EMSY: variants seen among roughly 807,000 people sequenced by gnomAD.
EMSY encodes the protein EMSY transcriptional repressor, BRCA2 interacting.
A neutral mutation model predicts 134.6 loss-of-function variants in EMSY; 26 were observed. That is an observed-to-expected ratio of 0.19 (90% CI 0.14 to 0.27). The LOEUF is 0.27. EMSY is among the 10% of genes least tolerant of loss of function. The probability of loss-of-function intolerance (pLI) is 1.00; values close to 1 mark genes in which losing one functional copy is unlikely to be tolerated. For synonymous variants in EMSY, 579 were observed against 577.8 expected (o/e 1.00, Z -0.03); for missense variants, 1,305 against 1,611.4 (o/e 0.81, Z 3.26).
Position 76,472,557 on chromosome 11 carries a change from T to A in EMSY, c.832-7T>A. On this transcript the variant is annotated splice_region_variant and splice_polypyrimidine_tract_variant and intron_variant, in intron 7 of 20. Transcript: ENST00000334736. The stretch of plus-strand genomic sequence containing the variant: ...TACATAAAAATAACTTATTTTTTAT[T>A]CCTTAGGTTATTATAGTCACCACAT... 6.2e-7 allele frequency: 1 copy of A among 1,609,224 alleles called. No homozygotes were observed. The highest frequency in any genetic ancestry group is 8.5e-7 in the Non-Finnish European group (1 of 1,176,128).
chr11:76,539,525 CTG>C (rs1951351791), intron 16 of EMSY, 72 bp from the exon 18 acceptor site: 1 of 1,465,146 alleles, frequency 6.8e-7, no homozygotes, highest in South Asian at 1.1e-5. Context: ...TAAATAACCT[CTG>C]GGGGTAGACT....
At chr11:76,533,068 C>G (rs549986050) in intron 14 of EMSY, among the ~76,000 whole-genome samples, 1 of 152,040 alleles carries the variant, frequency 6.6e-6, no homozygotes, top group Non-Finnish European at 1.5e-5. Flanking sequence ...GCCTTGCTGT[C>G]TAGGCAATTA....
At chr11:76,550,618 C>A (rs1480591509) in exon 21 of EMSY, 1 of 152,496 alleles carries the variant, frequency 6.6e-6, no homozygotes, top group East Asian at 1.9e-4. Context: ...TAAAATTTTA[C>A]ATTTTCTCAG....
At chr11:76,495,381 T>A (rs1949612510) in intron 8 of EMSY, among the ~76,000 whole-genome samples, 1 of 152,244 alleles carries the variant, frequency 6.6e-6, no homozygotes, top group Admixed American at 6.5e-5. Context: ...ATATTCCAGG[T>A]TCTCTCAGTT....
At chr11:76,488,947 G>GAA (rs1428574139) in intron 8 of EMSY, among the ~76,000 whole-genome samples, 1 of 152,210 alleles carries the variant, frequency 6.6e-6, no homozygotes, top group African/African-American at 2.4e-5. Flanking sequence ...TTTCCTAGAA[G>GAA]TCTTCCATGA....
rs191494325 is a variant in EMSY at position 76,515,531 on chromosome 11, T to C, written c.1514-611T>C. The stretch of plus-strand genomic sequence containing the variant: ...GTCTAAAGTTGAGGAAATAGGTAAA[T>C]AGAGAAAATTTTAGGCTAAAGAGAA... On this transcript the variant is annotated intron_variant, in intron 10 of 20. Coordinates refer to ENST00000334736, the Ensembl canonical transcript of EMSY. Among the ~76,000 whole-genome samples, 6 of 152,208 alleles carry C rather than the reference T, an allele frequency of 3.9e-5. No homozygotes were observed. The East Asian group carries it at 1.2e-3, about 29-fold the overall frequency.
chr11:76,448,329 CTTTT>C (rs540776567), intron 2 of EMSY, among the ~76,000 whole-genome samples: 112 of 144,566 alleles, frequency 7.7e-4, no homozygotes, highest in African/African-American at 2.7e-3. Context: ...GGATGTCAAT[CTTTT>C]TTTTTTTTAA....
intron 9 of EMSY, among the ~76,000 whole-genome samples, chr11:76,508,909 T>C (rs1187020171): frequency 6.6e-6 from 1 of 152,114 alleles, no homozygotes; most frequent in Admixed American, 6.6e-5. Context: ...AATTTCAGTA[T>C]CATTGTGTCT....
At chr11:76,546,125 C>T (rs2136827746) in exon 20 of EMSY, 1 of 1,614,210 alleles carries the variant, frequency 6.2e-7, no homozygotes, top group Non-Finnish European at 8.5e-7. Flanking sequence ...GCGAATTCCA[C>T]TCCCCAGCAA....
intron 9 of EMSY, among the ~76,000 whole-genome samples, chr11:76,499,324 G>A (rs748520809): frequency 1.9e-4 from 21 of 108,356 alleles, no homozygotes; most frequent in Non-Finnish European, 3.4e-4. Flanking sequence ...GTCTTGCTGT[G>A]TCGCCCAGGC....
chr11:76,474,395 A>C (rs1403691575), intron 8 of EMSY, among the ~76,000 whole-genome samples: 9 of 152,178 alleles, frequency 5.9e-5, no homozygotes, highest in Non-Finnish European at 1.3e-4. Flanking sequence ...TATGTGAATA[A>C]TATATAACTT....
At chr11:76,552,638 CA>C (rs534828021), downstream of EMSY, 63 of 152,180 alleles carry the variant, frequency 4.1e-4, no homozygotes, top group African/African-American at 1.5e-3. Context: ...GATTAAAAAC[CA>C]AAGGGGGCTT....
chr11:76,505,628 C>T (rs547373201), intron 9 of EMSY, among the ~76,000 whole-genome samples: 42 of 151,866 alleles, frequency 2.8e-4, no homozygotes, highest in Middle Eastern at 3.4e-3. Context: ...GAGGCTGAGG[C>T]GGGTGGATCA....
At chr11:76,521,600 C>T (rs1316517602) in intron 11 of EMSY, among the ~76,000 whole-genome samples, 1 of 151,542 alleles carries the variant, frequency 6.6e-6, no homozygotes, top group Non-Finnish European at 1.5e-5. Flanking sequence ...CCATCTCTAC[C>T]AAAAAATACA....
chr11:76,515,485 T>C (rs903847188), intron 10 of EMSY, among the ~76,000 whole-genome samples: 2 of 152,088 alleles, frequency 1.3e-5, no homozygotes, highest in East Asian at 3.8e-4. Flanking sequence ...TTGAGACACA[T>C]GAAGAAAAAT....
At position 76,518,703 on chromosome 11, in the gene EMSY, A is replaced by ATATATATATTT. The variant is rs57143914; in HGVS notation, c.1684+2392_1684+2393insATATATATTTT. The stretch of plus-strand genomic sequence containing the variant: ...TGCGCGCATATATATATATATATAT[A>ATATATATATTT]TTTTTTTTTTAATTGGGATCTAATA... On this transcript the variant is annotated intron_variant, in intron 11 of 20. Transcript: ENST00000334736. Among the ~76,000 whole-genome samples, 324 of 130,164 alleles carry ATATATATATTT rather than the reference A, an allele frequency of 2.5e-3. 1 individual carries two copies. Among genetic ancestry groups the ATATATATATTT allele is most frequent in the African/African-American group, 8.1e-3 (278 of 34,490 alleles). 85.4% of individuals were successfully genotyped at this position (130,164 alleles called of 152,430 possible).
At chr11:76,542,109 C>A (rs1353501839) in intron 17 of EMSY, 107 bp from the exon 19 acceptor site, 2 of 1,413,344 alleles carry the variant, frequency 1.4e-6, no homozygotes, top group Non-Finnish European at 2.0e-6. Context: ...CACAATACTA[C>A]ACTTTCTTTC....
chr11:76,507,837 ATTTTTTT>A lies in EMSY; in HGVS notation c.1364-5546_1364-5540del, dbSNP rs35759151. Among the ~76,000 whole-genome samples the A allele has an allele frequency of 2.0e-5, 3 of 147,046 alleles. No homozygotes were observed. In the East Asian group the frequency reaches 6.0e-4, roughly 29 times the overall value. On this transcript the variant is annotated intron_variant, in intron 9 of 20. Coordinates refer to ENST00000334736, the Ensembl canonical transcript of EMSY. ...TGGCAGCTGTAGCCTTACAAAATGC[ATTTTTTT>A]TTCTTTTTCTTTTTCTTTTTCTTTT... is the stretch of plus-strand genomic sequence containing the variant.
intron 11 of EMSY, among the ~76,000 whole-genome samples, chr11:76,518,588 C>G (rs1366496158): frequency 1.3e-5 from 2 of 150,818 alleles, no homozygotes; most frequent in African/African-American, 4.9e-5. Context: ...AATTAAAAAC[C>G]TTTGATTTTT....
Sources: gnomAD v4.1 joint callset for allele counts (sites outside exome capture counted in the v4.1 genomes callset) on GRCh38, gnomAD v4.1.1 for gene constraint, MANE v1.5 for transcripts, NCBI Gene and HGNC (gene_info 2026-07-23, HGNC 2026-07-21) for gene names.